The following AKT3 variants were observed in gnomAD, a reference collection of about 807,000 sequenced individuals.
AKT3 encodes the protein RAC-gamma serine/threonine-protein kinase.
In AKT3, 15 loss-of-function variants were observed where a neutral mutation model predicts 65.3. The observed-to-expected ratio is 0.23, with a 90% CI of 0.15 to 0.35. AKT3 has a LOEUF of 0.35. Among genes scored for constraint, AKT3 ranks in the 10% least tolerant of loss-of-function variants. The pLI, the probability that AKT3 is intolerant of heterozygous loss-of-function variation, is 1.00. For synonymous variants in AKT3, 206 were observed against 183.8 expected, an observed-to-expected ratio of 1.12 and a Z score of -0.98; for missense variants, 243 against 576.5, an observed-to-expected ratio of 0.42 and a Z score of 5.92.
At chr1:243,518,564 G>A (rs1670511181) in intron 12 of AKT3, among the ~76,000 whole-genome samples, 1 of 152,172 alleles carries the variant, frequency 6.6e-6, no homozygotes, top group South Asian at 2.1e-4. Flanking sequence ...GGTGGAGGTT[G>A]CAGTGAGCCG....
At chr1:243,747,199 C>A (rs190840768) in intron 2 of AKT3, among the ~76,000 whole-genome samples, 4 of 152,096 alleles carry the variant, frequency 2.6e-5, no homozygotes, top group Admixed American at 6.5e-5. Flanking sequence ...CCTAGCACAA[C>A]AAAGGAATAT....
chr1:243,814,485 A>G (rs938937878), intron 2 of AKT3: 2 of 152,246 alleles, frequency 1.3e-5, no homozygotes, highest in African/African-American at 4.8e-5. Flanking sequence ...TATTGGTCAG[A>G]AAACTCTTCT....
chr1:243,819,235 T>C (rs1693712895), intron 2 of AKT3, among the ~76,000 whole-genome samples: 1 of 152,226 alleles, frequency 6.6e-6, no homozygotes, highest in African/African-American at 2.4e-5. Context: ...AGCTGCCTGC[T>C]GCCTAAGATG....
intron 12 of AKT3, among the ~76,000 whole-genome samples, chr1:243,520,849 T>G (rs1049231260): frequency 6.6e-6 from 1 of 152,216 alleles, no homozygotes; most frequent in Non-Finnish European, 1.5e-5. Flanking sequence ...ACACTGATCT[T>G]TTATCAAATT....
intron 12 of AKT3, among the ~76,000 whole-genome samples, chr1:243,524,922 C>T (rs189419379): frequency 2.6e-4 from 40 of 152,230 alleles, no homozygotes; most frequent in South Asian, 2.1e-3. Context: ...CTCATTTTTA[C>T]GGCTTTTTGC....
At chr1:243,683,106 A>G (rs1358558136) in intron 3 of AKT3, among the ~76,000 whole-genome samples, 3 of 152,206 alleles carry the variant, frequency 2.0e-5, no homozygotes, top group Non-Finnish European at 4.4e-5. Flanking sequence ...ACATGGGTTC[A>G]TGCTGTGGGC....
intron 2 of AKT3, among the ~76,000 whole-genome samples, chr1:243,758,039 G>A (rs1024323852): frequency 3.3e-5 from 5 of 152,032 alleles, no homozygotes; most frequent in African/African-American, 4.8e-5. Context: ...CTGGGATCAC[G>A]GGCATGAGCC....
chr1:243,692,846 T>C (rs1270772572), intron 3 of AKT3, among the ~76,000 whole-genome samples: 1 of 152,106 alleles, frequency 6.6e-6, no homozygotes, highest in Non-Finnish European at 1.5e-5. Context: ...AATCTTCCTT[T>C]TGTTATAGGA....
At chr1:243,734,720 A>G (rs1687747777) in intron 2 of AKT3, among the ~76,000 whole-genome samples, 1 of 152,156 alleles carries the variant, frequency 6.6e-6, no homozygotes, top group Non-Finnish European at 1.5e-5. Context: ...CAATAACAAA[A>G]TATTTTTCTT....
At chr1:243,771,813 A>G (rs1690203486) in intron 2 of AKT3, among the ~76,000 whole-genome samples, 2 of 152,140 alleles carry the variant, frequency 1.3e-5, no homozygotes, top group South Asian at 4.1e-4. Flanking sequence ...AGTAACCAAA[A>G]CAGCATGGTA....
chr1:243,693,240 TTTGATATATATATATA>T (rs1350017398), intron 3 of AKT3, among the ~76,000 whole-genome samples: 2 of 56,498 alleles, frequency 3.5e-5, no homozygotes, highest in Non-Finnish European at 7.0e-5. Flanking sequence ...GTAGCTACAA[TTTGATATATATATATA>T]TATATATATA....
chr1:243,709,120 T>C (rs1685988986), intron 2 of AKT3, among the ~76,000 whole-genome samples: 1 of 151,338 alleles, frequency 6.6e-6, no homozygotes, highest in Non-Finnish European at 1.5e-5. Context: ...AAACACTGAG[T>C]AACTTACCCT....
In AKT3 at chr1:243,686,356, G is replaced by A. The variant is rs1264442947; in HGVS notation, c.172+9235C>T. On this transcript the variant is annotated intron_variant, in intron 3 of 13. Transcript: ENST00000673466. Reference sequence around the variant, plus strand: ...TTAGTCATTAAGAAAGAATAGCCCTGACTAATCAAAGTCCTAGGCATGAAA... The same window carrying A: ...TTAGTCATTAAGAAAGAATAGCCCTAACTAATCAAAGTCCTAGGCATGAAA... 2.0e-5 allele frequency among the ~76,000 whole-genome samples: 3 copies of A among 151,730 alleles called. No individual in the cohort carries two copies. In the East Asian group the frequency reaches 5.8e-4, roughly 29 times the overall value.
chr1:243,726,435 T>C (rs574182443), intron 2 of AKT3, among the ~76,000 whole-genome samples: 9 of 152,058 alleles, frequency 5.9e-5, no homozygotes, highest in Middle Eastern at 3.4e-3. Flanking sequence ...GTGAACTCAA[T>C]TAATGCAGGG....
chr1:243,529,811 G>GT (rs942838157), intron 12 of AKT3, among the ~76,000 whole-genome samples: 16 of 151,146 alleles, frequency 1.1e-4, no homozygotes, highest in South Asian at 2.1e-4. Context: ...AAATAGTTTG[G>GT]TTTTTTTTTC....
chr1:243,704,925 T>C (rs1367422590), intron 2 of AKT3, among the ~76,000 whole-genome samples: 2 of 152,174 alleles, frequency 1.3e-5, no homozygotes, highest in Non-Finnish European at 2.9e-5. Context: ...GTCACTGAGA[T>C]GTTTGTCTGC....
rs1558719559 is a variant in AKT3, at chr1:243,686,649, A to AT, written c.172+8941dup. Among the ~76,000 whole-genome samples the AT allele has an allele frequency of 2.3e-3, 52 of 22,496 alleles. 1 individual carries two copies. Among genetic ancestry groups the AT allele is most frequent in the East Asian group, 6.9e-3 (8 of 1,160 alleles). The allele number at this position is 22,496 out of a possible 152,430, so 14.8% of individuals were successfully genotyped here. On this transcript the variant is annotated intron_variant, in intron 3 of 13. Coordinates refer to ENST00000673466, the MANE Select transcript of AKT3 (RefSeq NM_005465.7). Reference sequence around the variant, plus strand: ...TGTTTTCATATATATATATATATATATATTTTTTTTTTTTTTTTTTTTTTT... The same window carrying AT: ...TGTTTTCATATATATATATATATATATTATTTTTTTTTTTTTTTTTTTTTTT...
At chr1:243,615,071 T>C (rs770031359) in intron 7 of AKT3, 25 bp downstream of exon 7, 2 of 1,489,836 alleles carry the variant, frequency 1.3e-6, no homozygotes, top group East Asian at 2.3e-5. Context: ...GTTACGATTA[T>C]AACATCTGTC....
At chr1:243,830,135 TAC>T (rs1445707087) in intron 2 of AKT3, among the ~76,000 whole-genome samples, 1 of 152,218 alleles carries the variant, frequency 6.6e-6, no homozygotes, top group African/African-American at 2.4e-5. Flanking sequence ...ACTGAACACT[TAC>T]AGACTTTTTT....
Sources: allele counts gnomAD v4.1 joint callset (sites outside exome capture counted in the v4.1 genomes callset), GRCh38; gene constraint gnomAD v4.1.1; transcripts MANE v1.5; gene names NCBI Gene and HGNC (gene_info 2026-07-23, HGNC 2026-07-21).